KATNBL1: variants seen among roughly 807,000 people sequenced by gnomAD.
KATNBL1 encodes katanin regulatory subunit B1 like 1.
KATNBL1 carries 28 observed loss-of-function variants against 44.7 expected under a neutral mutation model. That is an observed-to-expected ratio of 0.63 (90% CI 0.46 to 0.86). The LOEUF (loss-of-function observed/expected upper bound fraction) is 0.86. KATNBL1 is among the 40% of genes least tolerant of loss of function. The probability of loss-of-function intolerance (pLI) is 0.00; values close to 1 mark genes in which losing one functional copy is unlikely to be tolerated. For missense variants in KATNBL1, 272 were observed against 350.7 expected (o/e 0.78, Z 1.79); for synonymous variants, 78 against 114.9 (o/e 0.68, Z 2.06).
chr15:34,178,333 A>T (rs976336324), intron 1 of KATNBL1, among the ~76,000 whole-genome samples: 1 of 152,212 alleles, frequency 6.6e-6, no homozygotes, highest in African/African-American at 2.4e-5. Context: ...CCTTCATCTA[A>T]CATGGGTAAC....
intron 3 of KATNBL1, 33 bp downstream of exon 3, chr15:34,154,611 G>C (rs373540676): frequency 1.4e-6 from 2 of 1,391,542 alleles, no homozygotes; most frequent in African/African-American, 2.8e-5. Context: ...TTTCATATTT[G>C]TTGTTCCCCA....
chr15:34,192,547 T>C (rs1889906804), intron 1 of KATNBL1, among the ~76,000 whole-genome samples: 1 of 152,232 alleles, frequency 6.6e-6, no homozygotes, highest in Non-Finnish European at 1.5e-5. Flanking sequence ...GGCATGTCTC[T>C]TGCTTTTAGG....
intron 1 of KATNBL1, among the ~76,000 whole-genome samples, chr15:34,181,115 T>C (rs1442892142): frequency 1.3e-5 from 2 of 152,162 alleles, no homozygotes; most frequent in African/African-American, 4.8e-5. Flanking sequence ...GGTAAAATAC[T>C]ACTACAGAAT....
At chr15:34,178,241 A>G (rs77183197) in intron 1 of KATNBL1, among the ~76,000 whole-genome samples, 124 of 152,334 alleles carry the variant, frequency 8.1e-4, no homozygotes, top group African/African-American at 1.9e-3. Context: ...TTGAAGCCAA[A>G]TAAGATGACA....
intron 1 of KATNBL1, among the ~76,000 whole-genome samples, chr15:34,181,572 CCATATATAT>C (rs1889527476): frequency 1.5e-5 from 2 of 133,134 alleles, no homozygotes; most frequent in Admixed American, 1.5e-4. Flanking sequence ...ATATATATAT[CCATATATAT>C]ACATATATAT....
At chr15:34,185,106 A>G (rs1889682113) in intron 1 of KATNBL1, among the ~76,000 whole-genome samples, 1 of 152,092 alleles carries the variant, frequency 6.6e-6, no homozygotes, top group East Asian at 1.9e-4. Context: ...AGTAGCTGGG[A>G]CTACAGGTGC....
chr15:34,161,448 A>G (rs1597435607), intron 2 of KATNBL1, among the ~76,000 whole-genome samples: 2 of 152,194 alleles, frequency 1.3e-5, no homozygotes, highest in East Asian at 1.9e-4. Context: ...CAAATTTGTT[A>G]GAAACAAATG....
chr15:34,202,923 G>A (rs973582392), intron 1 of KATNBL1, among the ~76,000 whole-genome samples: 16 of 152,116 alleles, frequency 1.1e-4, no homozygotes, highest in African/African-American at 7.2e-5. Flanking sequence ...CCCGGAAGGC[G>A]GAGGTTGCAG....
chr15:34,177,411 G>A (rs900993646), intron 1 of KATNBL1, among the ~76,000 whole-genome samples: 5 of 152,136 alleles, frequency 3.3e-5, no homozygotes, highest in Non-Finnish European at 5.9e-5. Context: ...TTGGGCGGCC[G>A]AGGTGGGTGG....
At chr15:34,181,257 T>C (rs1430366551) in intron 1 of KATNBL1, among the ~76,000 whole-genome samples, 1 of 152,140 alleles carries the variant, frequency 6.6e-6, no homozygotes, top group Non-Finnish European at 1.5e-5. Flanking sequence ...ACAATTTTAA[T>C]CCATGATTCC....
chr15:34,161,435 C>G (rs1888802966), intron 2 of KATNBL1, among the ~76,000 whole-genome samples: 1 of 152,112 alleles, frequency 6.6e-6, no homozygotes, highest in Non-Finnish European at 1.5e-5. Flanking sequence ...CCGGACTGGC[C>G]CCCAAATTTG....
intron 1 of KATNBL1, among the ~76,000 whole-genome samples, chr15:34,189,666 A>G (rs1889818736): frequency 1.3e-5 from 2 of 152,246 alleles, no homozygotes. Flanking sequence ...TTCCTAAACA[A>G]AAAGACTATA....
intron 1 of KATNBL1, chr15:34,208,779 C>T (rs1890357981): frequency 6.6e-6 from 1 of 152,192 alleles, no homozygotes; most frequent in Non-Finnish European, 1.5e-5. Context: ...CACAAAAGCA[C>T]ACTCAGGTCT....
intron 9 of KATNBL1, chr15:34,143,005 C>T (rs564407671): frequency 9.0e-6 from 11 of 1,215,720 alleles, no homozygotes; most frequent in Middle Eastern, 2.6e-4. Context: ...CCACCTTGCC[C>T]GGCCCTCTTC....
chr15:34,191,953 CAAAAAAAA>C (rs572381001), intron 1 of KATNBL1, among the ~76,000 whole-genome samples: 3 of 90,674 alleles, frequency 3.3e-5, no homozygotes, highest in African/African-American at 1.2e-4. Flanking sequence ...GACTCCATCT[CAAAAAAAA>C]AAAAAAAAAA....
intron 4 of KATNBL1, among the ~76,000 whole-genome samples, chr15:34,151,755 C>T (rs779973563): frequency 5.3e-5 from 8 of 152,024 alleles, no homozygotes; most frequent in South Asian, 4.2e-4. Flanking sequence ...GATGAGGTTT[C>T]GCCATGTTGG....
At chr15:34,194,785 A>C (rs1889986984) in intron 1 of KATNBL1, among the ~76,000 whole-genome samples, 1 of 152,252 alleles carries the variant, frequency 6.6e-6, no homozygotes, top group African/African-American at 2.4e-5. Flanking sequence ...ATCCCATTAA[A>C]AAACAGGGTA....
At chr15:34,200,670 G>A (rs1204159636) in intron 1 of KATNBL1, among the ~76,000 whole-genome samples, 2 of 152,196 alleles carry the variant, frequency 1.3e-5, no homozygotes, top group Non-Finnish European at 2.9e-5. Context: ...TGGAGATTCA[G>A]TGGGTACAAT....
intron 8 of KATNBL1, chr15:34,146,425 C>T (rs536335313): frequency 2.6e-5 from 5 of 189,020 alleles, no homozygotes; most frequent in South Asian, 1.3e-4. Flanking sequence ...TAAAGGACCC[C>T]GCAGGGTGCC....
Sources: allele counts gnomAD v4.1 joint callset (sites outside exome capture counted in the v4.1 genomes callset), GRCh38; gene constraint gnomAD v4.1.1; transcripts MANE v1.5; gene names NCBI Gene and HGNC (gene_info 2026-07-23, HGNC 2026-07-21).